PHEX: variants seen among roughly 807,000 people sequenced by gnomAD.
The protein encoded by PHEX is phosphate-regulating neutral endopeptidase PHEX.
A neutral mutation model predicts 68.0 loss-of-function variants in PHEX; 16 were observed. The ratio of observed to expected loss-of-function variants is 0.24; its 90% CI spans 0.16 to 0.36. The LOEUF is 0.36. Ranked by LOEUF, PHEX falls within the 10% of genes least tolerant of loss-of-function variation. PHEX has a pLI of 1.00. For missense variants in PHEX, 480 were observed against 575.5 expected (o/e 0.83, Z 1.70); for synonymous variants, 208 against 205.1 (o/e 1.01, Z -0.12).
intron 2 of PHEX, among the ~76,000 whole-genome samples, chrX:22,044,931 C>T (rs758866217): frequency 9.2e-6 from 1 of 108,925 alleles, no homozygotes; most frequent in Admixed American, 1.0e-4. Context: ...CTCCTAGGCT[C>T]AAGTGATCTG....
At position 22,099,079 on chromosome X, in the gene PHEX, C is replaced by A; in HGVS notation, c.1007C>A (p.Ser336Tyr). ...CCCCATCTGAAAGACATCAGCCCCT[C>A]CGAGAATGTGGTGGTCCGCGTCCCG... ...LYPHLKDISP[S>Y]ENVVVRVPQY... is the part of the protein sequence containing the mutation. Residue 336 changes from serine (S) to tyrosine (Y), a missense_variant, in exon 9 of 22, where the codon TCC (serine) becomes TAC (tyrosine). Coordinates refer to ENST00000379374, the MANE Select transcript of PHEX (RefSeq NM_000444.6). 1 of 1,207,752 alleles carries A rather than the reference C, an allele frequency of 8.3e-7. No homozygotes were observed. The highest frequency in any genetic ancestry group is 1.1e-6 in the Non-Finnish European group (1 of 892,057).
chrX:22,220,370 C>G (rs1305742781), intron 17 of PHEX, among the ~76,000 whole-genome samples: 3 of 111,343 alleles, frequency 2.7e-5, no homozygotes, highest in African/African-American at 9.8e-5. Flanking sequence ...TTTTGCTCCC[C>G]TGGTCTTCCC....
chrX:22,234,449 T>A (rs1370114067), intron 20 of PHEX, among the ~76,000 whole-genome samples: 2 of 111,001 alleles, frequency 1.8e-5, no homozygotes, highest in Non-Finnish European at 3.8e-5. Flanking sequence ...GTTGCCTTTT[T>A]TTTTTAGAGA....
intron 5 of PHEX, among the ~76,000 whole-genome samples, chrX:22,084,344 A>G (rs901608407): frequency 1.8e-5 from 2 of 110,910 alleles, no homozygotes; most frequent in African/African-American, 6.6e-5. Context: ...GATTAATCCC[A>G]CTCAATCATA....
chrX:22,246,564 A>G (rs1322907763), intron 21 of PHEX, among the ~76,000 whole-genome samples: 2 of 112,247 alleles, frequency 1.8e-5, no homozygotes, highest in Admixed American at 9.5e-5. Flanking sequence ...CCACTGACCA[A>G]TGGTGCAGAT....
intron 20 of PHEX, among the ~76,000 whole-genome samples, chrX:22,230,229 C>CTT (rs140475343): frequency 0.019 from 210 of 10,931 alleles, 23 homozygotes; most frequent in Non-Finnish European, 0.025. Flanking sequence ...TATATGGGCT[C>CTT]TTTTTTTTTT....
In PHEX at chrX:22,190,429, T is replaced by C; in HGVS notation, c.1587-15T>C. ...AATGATGATTGCTCTCTGGCATTTG[T>C]TTCTTTTTCTACAGGTGGTTTACAA... On this transcript the variant is annotated splice_polypyrimidine_tract_variant and intron_variant, in intron 14 of 21. Transcript: ENST00000379374. The C allele has an allele frequency of 8.6e-7, 1 of 1,162,660 alleles. No individual in the cohort carries two copies. Among genetic ancestry groups the C allele is most frequent in the East Asian group, 3.0e-5 (1 of 33,665 alleles).
At chrX:22,225,941 C>T (rs1456591077) in intron 18 of PHEX, among the ~76,000 whole-genome samples, 2 of 112,001 alleles carry the variant, frequency 1.8e-5, no homozygotes, top group Non-Finnish European at 3.8e-5. Context: ...GATTTTTCTT[C>T]CCTAGGAGAA....
chrX:22,179,690 G>T (rs374418044), intron 14 of PHEX, among the ~76,000 whole-genome samples: 12 of 111,496 alleles, frequency 1.1e-4, no homozygotes, highest in African/African-American at 3.9e-4. Context: ...CGGAATTTCC[G>T]TTTGTTTTTT....
At chrX:22,091,518 C>T (rs993395532) in intron 6 of PHEX, among the ~76,000 whole-genome samples, 3 of 112,181 alleles carry the variant, frequency 2.7e-5, no homozygotes, top group Non-Finnish European at 3.8e-5. Context: ...TTAACTGTTA[C>T]TGCTTCTCCT....
At chrX:22,082,448 C>A (rs1929434242) in intron 5 of PHEX, among the ~76,000 whole-genome samples, 1 of 112,457 alleles carries the variant, frequency 8.9e-6, no homozygotes, top group South Asian at 3.7e-4. Flanking sequence ...TCACATTTCT[C>A]TACCGATTAG....
chrX:22,138,696 C>A (rs1225893754), intron 12 of PHEX, among the ~76,000 whole-genome samples: 1 of 111,989 alleles, frequency 8.9e-6, no homozygotes, highest in African/African-American at 3.2e-5. Flanking sequence ...TAAATTGTTT[C>A]GTAGGAGAAA....
intron 15 of PHEX, among the ~76,000 whole-genome samples, chrX:22,191,228 A>G (rs899955465): frequency 9.0e-6 from 1 of 111,304 alleles, no homozygotes; most frequent in African/African-American, 3.3e-5. Context: ...GGGTTTTGAC[A>G]TGTTGACTAG....
intron 12 of PHEX, among the ~76,000 whole-genome samples, chrX:22,151,449 A>G (rs1160796925): frequency 9.0e-6 from 1 of 111,626 alleles, no homozygotes; most frequent in South Asian, 3.8e-4. Context: ...ACTCTCATCT[A>G]TCTTTATGAC....
rs28453897 is a variant in PHEX at position 22,218,829 on chromosome X, A to G, written c.1701-207A>G. Among the ~76,000 whole-genome samples, 5,872 of 112,020 alleles carry G rather than the reference A, an allele frequency of 0.052. 361 individuals are homozygous for G. The highest frequency in any genetic ancestry group is 0.18 in the African/African-American group (5,573 of 30,749). ...AGGTTCATATGTGGTAATAATGACA[A>G]TGTTTGTTAGAATTTATATTTTCTT... On this transcript the variant is annotated intron_variant, in intron 16 of 21. Coordinates refer to ENST00000379374, the MANE Select transcript of PHEX (RefSeq NM_000444.6).
chrX:22,176,962 G>A (rs941862092), intron 13 of PHEX, among the ~76,000 whole-genome samples: 3 of 110,981 alleles, frequency 2.7e-5, no homozygotes, highest in Non-Finnish European at 5.7e-5. Context: ...GTTATAATTT[G>A]TTGGCCAAGC....
At chrX:22,102,585 T>A (rs1440672881) in intron 9 of PHEX, among the ~76,000 whole-genome samples, 1 of 112,435 alleles carries the variant, frequency 8.9e-6, no homozygotes, top group East Asian at 2.8e-4. Flanking sequence ...TTCTAGAAGT[T>A]AACCAGATAC....
chrX:22,034,726 A>C (rs1926934715), intron 1 of PHEX, among the ~76,000 whole-genome samples: 1 of 111,940 alleles, frequency 8.9e-6, no homozygotes, highest in Non-Finnish European at 1.9e-5. Flanking sequence ...TCTGTGGACC[A>C]GCAGCATTAG....
At chrX:22,201,033 C>A (rs2147149854) in intron 15 of PHEX, among the ~76,000 whole-genome samples, 1 of 111,935 alleles carries the variant, frequency 8.9e-6, no homozygotes, top group East Asian at 2.8e-4. Context: ...TATACTCCCC[C>A]AAAAGGCTTT....
Sources: gnomAD v4.1 joint callset for allele counts (sites outside exome capture counted in the v4.1 genomes callset) on GRCh38, gnomAD v4.1.1 for gene constraint, MANE v1.5 for transcripts, NCBI Gene and HGNC (gene_info 2026-07-23, HGNC 2026-07-21) for gene names.